Variants in L3MBTL4 observed in about 807,000 individuals in gnomAD.
The protein encoded by L3MBTL4 is L3MBTL histone methyl-lysine binding protein 4, also known as lethal(3)malignant brain tumor-like protein 4.
A neutral mutation model predicts 84.5 loss-of-function variants in L3MBTL4; 70 were observed. The observed-to-expected ratio is 0.83, with a 90% CI of 0.68 to 1.01. The LOEUF (loss-of-function observed/expected upper bound fraction) is 1.01, where lower values mean the gene tolerates loss of function less well. Among genes scored for constraint, L3MBTL4 ranks in the 50% least tolerant of loss-of-function variants. The pLI, the probability that L3MBTL4 is intolerant of heterozygous loss-of-function variation, is 0.00. For missense variants in L3MBTL4, 715 were observed against 754.8 expected (o/e 0.95, Z 0.62); for synonymous variants, 274 against 259.8 (o/e 1.05, Z -0.52).
intron 16 of L3MBTL4, among the ~76,000 whole-genome samples, chr18:6,056,625 C>A (rs943336674): frequency 4.6e-5 from 7 of 152,180 alleles, no homozygotes; most frequent in African/African-American, 1.7e-4. Flanking sequence ...CCCCAGGGCT[C>A]AGCCACAAAG....
At chr18:6,261,233 C>T (rs1201619349) in intron 5 of L3MBTL4, among the ~76,000 whole-genome samples, 1 of 152,154 alleles carries the variant, frequency 6.6e-6, no homozygotes, top group Non-Finnish European at 1.5e-5. Context: ...AGTGTTTTGG[C>T]CAGTCTTACA....
chr18:5,995,321 G>A (rs553511140), intron 16 of L3MBTL4, among the ~76,000 whole-genome samples: 13 of 152,228 alleles, frequency 8.5e-5, no homozygotes, highest in African/African-American at 2.9e-4. Flanking sequence ...TGACAGTGAC[G>A]CTGGGCTCCA....
intron 14 of L3MBTL4, among the ~76,000 whole-genome samples, chr18:6,124,303 G>GA (rs1007744726): frequency 6.6e-6 from 1 of 151,308 alleles, no homozygotes; most frequent in African/African-American, 2.4e-5. Context: ...ATACTCAGAG[G>GA]AAAAAATGGT....
intron 1 of L3MBTL4, among the ~76,000 whole-genome samples, chr18:6,337,044 G>A (rs965127804): frequency 3.3e-5 from 5 of 152,162 alleles, no homozygotes; most frequent in Non-Finnish European, 2.9e-5. Context: ...TTTAACGACA[G>A]ATTGACATTG....
intron 4 of L3MBTL4, among the ~76,000 whole-genome samples, chr18:6,297,360 A>C (rs1040649489): frequency 1.3e-5 from 2 of 152,240 alleles, no homozygotes; most frequent in African/African-American, 4.8e-5. Flanking sequence ...CACTAGTAGA[A>C]AAACTGGTGA....
chr18:6,279,865 G>C (rs997923278), intron 4 of L3MBTL4, among the ~76,000 whole-genome samples: 1 of 152,144 alleles, frequency 6.6e-6, no homozygotes, highest in Non-Finnish European at 1.5e-5. Flanking sequence ...GCCACCGAAT[G>C]TAATAGATTA....
chr18:6,192,670 A>C (rs760334416), intron 12 of L3MBTL4, among the ~76,000 whole-genome samples: 64 of 152,186 alleles, frequency 4.2e-4, no homozygotes, highest in Middle Eastern at 3.2e-3. Flanking sequence ...AGAATTAGGG[A>C]AACTCAATGA....
intron 13 of L3MBTL4, among the ~76,000 whole-genome samples, chr18:6,164,304 T>C (rs1202597694): frequency 1.3e-5 from 2 of 152,186 alleles, no homozygotes; most frequent in African/African-American, 4.8e-5. Context: ...GACTTAAACG[T>C]CCCTGTCTGA....
intron 4 of L3MBTL4, among the ~76,000 whole-genome samples, chr18:6,276,982 G>A (rs2049107274): frequency 6.6e-6 from 1 of 151,882 alleles, no homozygotes. Flanking sequence ...AAAATTTTCA[G>A]ATTAAATAAA....
At chr18:6,061,963 C>A (rs545519142) in intron 16 of L3MBTL4, among the ~76,000 whole-genome samples, 4 of 151,862 alleles carry the variant, frequency 2.6e-5, no homozygotes, top group Admixed American at 1.3e-4. Context: ...ATAAGCTATA[C>A]TCACCTAATT....
rs1224993162 is a variant in L3MBTL4, at chr18:6,154,639, G to C, written c.1097-16343C>G. 2.6e-5 allele frequency among the ~76,000 whole-genome samples: 4 copies of C among 152,182 alleles called. No homozygotes were observed. In the South Asian group the frequency reaches 8.3e-4, roughly 31 times the overall value. ...AGCATGACCCTCAATTCACACCAAT[G>C]ACTTCACCTAATGCTCAACAACGCC... On this transcript the variant is annotated intron_variant, in intron 13 of 18. Coordinates refer to ENST00000317931, the MANE Select transcript of L3MBTL4 (RefSeq NM_001330559.2).
intron 18 of L3MBTL4, 57 bp downstream of exon 18, chr18:5,960,037 T>C (rs1400622763): frequency 2.1e-4 from 47 of 222,768 alleles, no homozygotes; most frequent in Admixed American, 4.8e-4. Context: ...TATATATATA[T>C]ACACACACAT....
intron 16 of L3MBTL4, among the ~76,000 whole-genome samples, chr18:6,023,602 G>A (rs1477820766): frequency 6.6e-6 from 1 of 152,188 alleles, no homozygotes; most frequent in Non-Finnish European, 1.5e-5. Flanking sequence ...GACATTGTGG[G>A]AAATATGTAA....
intron 12 of L3MBTL4, among the ~76,000 whole-genome samples, chr18:6,198,257 C>T (rs2045495465): frequency 6.6e-6 from 1 of 152,178 alleles, no homozygotes; most frequent in African/African-American, 2.4e-5. Context: ...TAGTGAAGCA[C>T]TATTTTGGCT....
chr18:5,976,339 G>A lies in L3MBTL4; in HGVS notation c.1445-6777C>T, dbSNP rs569252266. 1.1e-4 allele frequency among the ~76,000 whole-genome samples: 17 copies of A among 152,318 alleles called. No individual in the cohort carries two copies. In the East Asian group the frequency reaches 2.5e-3, roughly 22 times the overall value. ...AATTTTACTTGTTTCTTCTGATTAC[G>A]TTAAATACGGCCAGTAGAAACTTTC... On this transcript the variant is annotated intron_variant, in intron 16 of 18. Coordinates refer to ENST00000317931, the MANE Select transcript of L3MBTL4 (RefSeq NM_001330559.2).
At position 6,363,422 on chromosome 18, in the gene L3MBTL4, C is replaced by G. The variant is rs577062842; in HGVS notation, c.-90-51366G>C. 5.4e-4 allele frequency among the ~76,000 whole-genome samples: 82 copies of G among 152,248 alleles called. 1 individual carries two copies. The highest frequency in any genetic ancestry group is 1.9e-3 in the African/African-American group (78 of 41,540). ...CAAACTGCAATGTTATGAGAGTTGA[C>G]AGGGAAAGTCCACTCAAGTACGTGT... On this transcript the variant is annotated intron_variant, in intron 1 of 18. Transcript: ENST00000317931.
chr18:6,263,285 G>GA (rs972577245), intron 5 of L3MBTL4, among the ~76,000 whole-genome samples: 17 of 138,504 alleles, frequency 1.2e-4, no homozygotes, highest in East Asian at 6.6e-4. Flanking sequence ...AAAAAAAAAA[G>GA]AAAAAAAAAA....
rs569102363 is a variant in L3MBTL4 at position 6,063,809 on chromosome 18, C to T, written c.1444+17072G>A. ...TATTTTCTCCCACTCTGTAGGTTGT[C>T]TGTTTACTCTGCTGATTATTTCTTT... On this transcript the variant is annotated intron_variant, in intron 16 of 18. Transcript: ENST00000317931. 4.6e-5 allele frequency among the ~76,000 whole-genome samples: 7 copies of T among 152,092 alleles called. No individual in the cohort carries two copies. In the South Asian group the frequency reaches 1.4e-3, roughly 31 times the overall value.
chr18:6,215,919 C>A, intron 10 of L3MBTL4, 84 bp from the exon 11 acceptor site: 1 of 686,280 alleles, frequency 1.5e-6, no homozygotes, highest in Non-Finnish European at 2.4e-6. Flanking sequence ...GATGATATGA[C>A]ACCTAATGTT....
Sources: allele counts gnomAD v4.1 joint callset (sites outside exome capture counted in the v4.1 genomes callset), GRCh38; gene constraint gnomAD v4.1.1; transcripts MANE v1.5; gene names NCBI Gene and HGNC (gene_info 2026-07-23, HGNC 2026-07-21).